DCLK1: variants seen among roughly 807,000 people sequenced by gnomAD.
DCLK1 encodes serine/threonine-protein kinase DCLK1.
In DCLK1, 16 loss-of-function variants were observed where a neutral mutation model predicts 86.2. That is an observed-to-expected ratio of 0.19 (90% CI 0.13 to 0.28). The LOEUF (loss-of-function observed/expected upper bound fraction) is 0.28, where lower values mean the gene tolerates loss of function less well. DCLK1 is among the 10% of genes least tolerant of loss of function. The pLI is 1.00. For missense variants in DCLK1, 590 were observed against 940.2 expected (o/e 0.63, Z 4.87); for synonymous variants, 369 against 370.5 (o/e 1.00, Z 0.05).
intron 5 of DCLK1, among the ~76,000 whole-genome samples, chr13:35,866,584 C>G (rs1448529679): frequency 6.7e-6 from 1 of 149,798 alleles, no homozygotes; most frequent in Non-Finnish European, 1.5e-5. Context: ...CCACAGGAAA[C>G]AAAGCAACCA....
At chr13:36,083,543 T>A (rs1359109677) in intron 3 of DCLK1, among the ~76,000 whole-genome samples, 1 of 152,220 alleles carries the variant, frequency 6.6e-6, no homozygotes, top group Admixed American at 6.5e-5. Flanking sequence ...ATAGGTACTG[T>A]AAATCTTACA....
chr13:35,899,718 T>C (rs969767486), intron 4 of DCLK1, among the ~76,000 whole-genome samples: 5 of 152,184 alleles, frequency 3.3e-5, no homozygotes, highest in African/African-American at 9.7e-5. Context: ...ACTATGGTCA[T>C]TGGCCCATAA....
chr13:36,045,330 GTGTATA>G (rs1247932906), intron 3 of DCLK1, among the ~76,000 whole-genome samples: 5,734 of 55,254 alleles, frequency 0.1, 136 homozygotes, highest in Non-Finnish European at 0.12. Context: ...GTGTGTGTGT[GTGTATA>G]TATATATATA....
chr13:35,948,113 T>C (rs1388867854), intron 3 of DCLK1, among the ~76,000 whole-genome samples: 2 of 152,224 alleles, frequency 1.3e-5, no homozygotes, highest in Non-Finnish European at 2.9e-5. Flanking sequence ...AACCTTTTGA[T>C]ATTTACTCGA....
At chr13:35,798,116 G>A (rs1317630943) in intron 15 of DCLK1, among the ~76,000 whole-genome samples, 3 of 152,158 alleles carry the variant, frequency 2.0e-5, no homozygotes, top group Non-Finnish European at 4.4e-5. Context: ...CAACTGACAC[G>A]AACAAAATTA....
chr13:36,072,971 A>C (rs747198180), intron 3 of DCLK1, among the ~76,000 whole-genome samples: 8 of 152,200 alleles, frequency 5.3e-5, no homozygotes, highest in Non-Finnish European at 1.2e-4. Context: ...GGATTCTGGG[A>C]TATCTCACCT....
chr13:36,090,662 C>T (rs1040055285), intron 3 of DCLK1, among the ~76,000 whole-genome samples: 1 of 152,164 alleles, frequency 6.6e-6, no homozygotes, highest in African/African-American at 2.4e-5. Flanking sequence ...ACCGTGAGAG[C>T]TTGAACGCAT....
chr13:36,080,540 T>C (rs1206969202), intron 3 of DCLK1, among the ~76,000 whole-genome samples: 1 of 152,228 alleles, frequency 6.6e-6, no homozygotes, highest in African/African-American at 2.4e-5. Context: ...ATTGAATTAC[T>C]ACCTTGCTCC....
chr13:35,792,128 CG>C (rs1348604039), intron 16 of DCLK1, among the ~76,000 whole-genome samples: 2 of 152,156 alleles, frequency 1.3e-5, no homozygotes, highest in East Asian at 3.9e-4. Context: ...AAAACTTCAG[CG>C]GCACTGAGGA....
At chr13:35,877,676 A>T (rs1395897272) in intron 4 of DCLK1, among the ~76,000 whole-genome samples, 1 of 152,222 alleles carries the variant, frequency 6.6e-6, no homozygotes, top group Non-Finnish European at 1.5e-5. Flanking sequence ...TGAATTGTTC[A>T]GGAAATGGAC....
At chr13:35,895,723 C>T (rs1176617960) in intron 4 of DCLK1, among the ~76,000 whole-genome samples, 1 of 145,460 alleles carries the variant, frequency 6.9e-6, no homozygotes, top group Non-Finnish European at 1.5e-5. Flanking sequence ...TTCTTTATAA[C>T]TCAGTGTTCA....
At chr13:36,067,651 A>T (rs559625779) in intron 3 of DCLK1, among the ~76,000 whole-genome samples, 1 of 152,264 alleles carries the variant, frequency 6.6e-6, no homozygotes, top group South Asian at 2.1e-4. Flanking sequence ...TTCAGAAACT[A>T]AGGCCTTAAG....
chr13:35,986,952 C>T (rs550297680), intron 3 of DCLK1, among the ~76,000 whole-genome samples: 3 of 152,168 alleles, frequency 2.0e-5, no homozygotes, highest in African/African-American at 4.8e-5. Flanking sequence ...AAAGCCTGGA[C>T]GATCATGTAA....
chr13:36,052,018 GC>G (rs1883140120), intron 3 of DCLK1, among the ~76,000 whole-genome samples: 1 of 152,100 alleles, frequency 6.6e-6, no homozygotes, highest in Non-Finnish European at 1.5e-5. Flanking sequence ...GGAAGCCTGA[GC>G]CCCCCAGGTG....
intron 16 of DCLK1, among the ~76,000 whole-genome samples, chr13:35,782,928 C>T (rs2086554705): frequency 6.6e-6 from 1 of 152,224 alleles, no homozygotes; most frequent in South Asian, 2.1e-4. Flanking sequence ...AACTCTGCTG[C>T]TGTAGGGCAA....
chr13:35,910,629 T>C (rs894082060), intron 4 of DCLK1, among the ~76,000 whole-genome samples: 21 of 152,202 alleles, frequency 1.4e-4, no homozygotes, highest in African/African-American at 5.1e-4. Context: ...AGGTTTCTCT[T>C]TGATAGACCT....
At chr13:35,886,857 C>G (rs1873297892) in intron 4 of DCLK1, among the ~76,000 whole-genome samples, 1 of 152,068 alleles carries the variant, frequency 6.6e-6, no homozygotes, top group African/African-American at 2.4e-5. Context: ...ATTTAGAAAA[C>G]CTGGAGACAA....
At chr13:36,053,007 G>T (rs1883181150) in intron 3 of DCLK1, among the ~76,000 whole-genome samples, 1 of 152,130 alleles carries the variant, frequency 6.6e-6, no homozygotes, top group African/African-American at 2.4e-5. Flanking sequence ...AGTTCCATTT[G>T]TTTTCCCTTG....
intron 3 of DCLK1, among the ~76,000 whole-genome samples, chr13:35,988,217 A>G (rs1186773957): frequency 6.6e-6 from 1 of 152,240 alleles, no homozygotes; most frequent in East Asian, 1.9e-4. Context: ...CCAGGCTGCA[A>G]CATGAGATCT....
Sources: allele counts gnomAD v4.1 joint callset (sites outside exome capture counted in the v4.1 genomes callset), GRCh38; gene constraint gnomAD v4.1.1; transcripts MANE v1.5; gene names NCBI Gene and HGNC (gene_info 2026-07-23, HGNC 2026-07-21).